Variants in ZNF90 observed in about 807,000 individuals in gnomAD.
The protein encoded by ZNF90 is zinc finger protein HTF9.
A neutral mutation model predicts 12.0 loss-of-function variants in ZNF90; 11 were observed. That is an observed-to-expected ratio of 0.92 (90% confidence interval 0.58 to 1.52). ZNF90 has a LOEUF of 1.52. ZNF90 is among the 40% of genes most tolerant of loss of function. The pLI, the probability that ZNF90 is intolerant of heterozygous loss-of-function variation, is 0.00. For synonymous variants in ZNF90, 232 were observed against 240.1 expected, an observed-to-expected ratio of 0.97 and a Z score of 0.31; for missense variants, 765 against 711.5, an observed-to-expected ratio of 1.08 and a Z score of -0.86.
chr19:20,101,010 A>G (rs1385376952), intron 1 of ZNF90, among the ~76,000 whole-genome samples: 3 of 151,912 alleles, frequency 2.0e-5, no homozygotes, highest in Non-Finnish European at 4.4e-5. Context: ...TTTTCACTCT[A>G]TTAAATCTTG....
intron 3 of ZNF90, among the ~76,000 whole-genome samples, chr19:20,109,624 A>G (rs782408622): frequency 6.6e-6 from 1 of 152,074 alleles, no homozygotes; most frequent in Non-Finnish European, 1.5e-5. Flanking sequence ...CTGTAATCCC[A>G]GGACTTCGGG....
intron 3 of ZNF90, chr19:20,117,475 C>T (rs1267352673): frequency 8.8e-6 from 2 of 226,326 alleles, no homozygotes; most frequent in Non-Finnish European, 1.4e-5. Flanking sequence ...TCTGGCTCTG[C>T]TGCCCAGGGT....
At chr19:20,117,420 CTTT>C (rs1555705801) in intron 3 of ZNF90, 1 of 146,662 alleles carries the variant, frequency 6.8e-6, no homozygotes, top group Non-Finnish European at 1.5e-5. Context: ...TCCTTCCTTC[CTTT>C]CTTCCTTCCC....
Position 20,119,482 on chromosome 19 carries a change from TG to T in ZNF90, c.*123del. ...CTCTTACTAAATATGAGAATTTATA[TG>T]AAACATAACTCCTACAAAAATAAAG... On this transcript the variant is annotated 3_prime_UTR_variant, in exon 4 of 4. Coordinates refer to ENST00000418063, the MANE Select transcript of ZNF90 (RefSeq NM_007138.2). 1.2e-6 allele frequency: 1 copy of T among 835,348 alleles called. No individual in the cohort carries two copies. The highest frequency in any genetic ancestry group is 2.7e-5 in the East Asian group (1 of 37,422). The allele number at this position is 835,348 out of a possible 1,614,324, so 51.7% of individuals were successfully genotyped here.
At chr19:20,090,604 T>A (rs1467016284) in intron 1 of ZNF90, among the ~76,000 whole-genome samples, 5 of 152,118 alleles carry the variant, frequency 3.3e-5, no homozygotes, top group African/African-American at 1.2e-4. Flanking sequence ...CAACAACTGA[T>A]CGTCCAGCTA....
chr19:20,097,038 T>G (rs1326772459), intron 1 of ZNF90, among the ~76,000 whole-genome samples: 1 of 152,204 alleles, frequency 6.6e-6, no homozygotes, highest in Non-Finnish European at 1.5e-5. Flanking sequence ...GAATTTAGGA[T>G]GAACTATATA....
chr19:20,105,365 C>A, intron 3 of ZNF90, 49 bp downstream of exon 3: 1 of 1,473,742 alleles, frequency 6.8e-7, no homozygotes, highest in Non-Finnish European at 9.3e-7. Context: ...ATAAGAGGTC[C>A]CAAGGTCAAA....
intron 1 of ZNF90, among the ~76,000 whole-genome samples, chr19:20,097,474 T>G (rs565334855): frequency 6.6e-4 from 101 of 152,324 alleles, no homozygotes; most frequent in African/African-American, 2.3e-3. Context: ...AGGGCAGCAA[T>G]CAGTTATTTT....
intron 3 of ZNF90, among the ~76,000 whole-genome samples, chr19:20,111,876 T>TTGA (rs1555705159): frequency 5.3e-5 from 8 of 151,784 alleles, no homozygotes; most frequent in African/African-American, 1.9e-4. Flanking sequence ...TTTTTTTTTT[T>TTGA]GGGATGGAGT....
intron 1 of ZNF90, among the ~76,000 whole-genome samples, chr19:20,086,232 C>CTTTTTT (rs59433953): frequency 2.8e-3 from 276 of 99,760 alleles, no homozygotes; most frequent in Non-Finnish European, 3.2e-3. Flanking sequence ...ATTTTCTTTT[C>CTTTTTT]TTTTTTTTTT....
chr19:20,115,256 A>C (rs2089126764), intron 3 of ZNF90, among the ~76,000 whole-genome samples: 1 of 152,136 alleles, frequency 6.6e-6, no homozygotes, highest in Non-Finnish European at 1.5e-5. Flanking sequence ...GATTTCACAA[A>C]ATTTTTAATA....
chr19:20,089,957 A>G (rs941627238), intron 1 of ZNF90, among the ~76,000 whole-genome samples: 1 of 152,130 alleles, frequency 6.6e-6, no homozygotes, highest in African/African-American at 2.4e-5. Flanking sequence ...AGGGTGACAT[A>G]AGAATGGGAA....
At chr19:20,093,001 C>A (rs578193065) in intron 1 of ZNF90, among the ~76,000 whole-genome samples, 9 of 152,128 alleles carry the variant, frequency 5.9e-5, no homozygotes, top group Admixed American at 1.3e-4. Flanking sequence ...GCAGCACAGC[C>A]CAGGTAAGCT....
intron 1 of ZNF90, among the ~76,000 whole-genome samples, chr19:20,094,962 G>C (rs537477098): frequency 6.6e-6 from 1 of 152,134 alleles, no homozygotes; most frequent in Non-Finnish European, 1.5e-5. Flanking sequence ...AAGCCGGACC[G>C]GGTGTGAGGA....
At chr19:20,106,054 T>A (rs1429860016) in intron 3 of ZNF90, among the ~76,000 whole-genome samples, 5 of 148,436 alleles carry the variant, frequency 3.4e-5, no homozygotes, top group East Asian at 1.9e-4. Context: ...CTTTTTTTTT[T>A]TTTTTTTTTT....
intron 1 of ZNF90, among the ~76,000 whole-genome samples, chr19:20,099,144 G>A (rs987372466): frequency 6.6e-5 from 10 of 151,958 alleles, no homozygotes; most frequent in Admixed American, 4.6e-4. Flanking sequence ...GTCTACACCC[G>A]AAGGGCTATT....
At chr19:20,104,409 T>C (rs782216143) in intron 2 of ZNF90, 44 bp downstream of exon 2, 1 of 1,540,212 alleles carries the variant, frequency 6.5e-7, no homozygotes, top group South Asian at 1.3e-5. Flanking sequence ...ACCCTAAAGG[T>C]TGTTTTTATG....
intron 1 of ZNF90, among the ~76,000 whole-genome samples, chr19:20,098,253 G>C (rs1399666140): frequency 1.3e-5 from 2 of 152,184 alleles, no homozygotes; most frequent in Non-Finnish European, 2.9e-5. Flanking sequence ...TTACAAAAAA[G>C]GGTGGGAGTT....
In ZNF90 at chr19:20,078,087, C is replaced by G; in HGVS notation, c.-46C>G. 1.2e-6 allele frequency: 2 copies of G among 1,613,884 alleles called. No homozygotes were observed. Among genetic ancestry groups the G allele is most frequent in the South Asian group, 2.2e-5 (2 of 91,066 alleles). On this transcript the variant is annotated 5_prime_UTR_variant, in exon 1 of 4. Coordinates refer to ENST00000418063, the MANE Select transcript of ZNF90 (RefSeq NM_007138.2). ...CCAGCCTCTGTGGCCCTGTGACCTG[C>G]AGGTATTGGGAGATCCACAGCTGAG...
Sources: allele counts gnomAD v4.1 joint callset (sites outside exome capture counted in the v4.1 genomes callset), GRCh38; gene constraint gnomAD v4.1.1; transcripts MANE v1.5; gene names NCBI Gene and HGNC (gene_info 2026-07-23, HGNC 2026-07-21).